CHODL: variants seen among roughly 807,000 people sequenced by gnomAD.
CHODL encodes the protein chondrolectin, also known as transmembrane protein MT75.
In CHODL, 29 loss-of-function variants were observed where a neutral mutation model predicts 34.5. That is an observed-to-expected ratio of 0.84 (90% confidence interval 0.63 to 1.15). CHODL has a LOEUF of 1.15. Among genes scored for constraint, CHODL ranks in the 50% most tolerant of loss-of-function variants. CHODL has a pLI of 0.00. For synonymous variants in CHODL, 125 were observed against 116.1 expected (o/e 1.08, Z -0.49); for missense variants, 332 against 332.5 (o/e 1.00, Z 0.01).
intron 2 of CHODL, among the ~76,000 whole-genome samples, chr21:18,074,461 A>AATGT (rs1357681398): frequency 6.6e-6 from 1 of 152,192 alleles, no homozygotes; most frequent in Non-Finnish European, 1.5e-5. Context: ...ACAAAGTAGT[A>AATGT]ATGTATATGA....
chr21:18,095,442 T>A (rs1210475955), intron 2 of CHODL, among the ~76,000 whole-genome samples: 1 of 152,082 alleles, frequency 6.6e-6, no homozygotes, highest in Admixed American at 6.6e-5. Context: ...CTATAACCTA[T>A]TAAGATTGAA....
intron 2 of CHODL, among the ~76,000 whole-genome samples, chr21:18,045,695 A>G (rs1271219010): frequency 6.6e-6 from 1 of 151,964 alleles, no homozygotes. Context: ...TGAATCCCCA[A>G]TGCATCAGTA....
chr21:18,104,039 A>G (rs1180526177), intron 2 of CHODL, among the ~76,000 whole-genome samples: 1 of 152,188 alleles, frequency 6.6e-6, no homozygotes, highest in Non-Finnish European at 1.5e-5. Flanking sequence ...GCCTCGCACA[A>G]AATATTTCTC....
At chr21:17,924,882 G>T (rs1310830235) in intron 1 of CHODL, among the ~76,000 whole-genome samples, 3 of 152,024 alleles carry the variant, frequency 2.0e-5, no homozygotes, top group African/African-American at 7.3e-5. Flanking sequence ...TCCTTATCTG[G>T]CTCTGTTAAA....
intron 1 of CHODL, among the ~76,000 whole-genome samples, chr21:17,988,444 A>G (rs187841187): frequency 6.9e-6 from 1 of 144,148 alleles, no homozygotes; most frequent in African/African-American, 2.6e-5. Context: ...CATGTGCACA[A>G]TGTGCAGGTT....
chr21:18,047,103 T>C (rs1375945686), intron 2 of CHODL, among the ~76,000 whole-genome samples: 1 of 152,022 alleles, frequency 6.6e-6, no homozygotes, highest in Non-Finnish European at 1.5e-5. Flanking sequence ...CAACTTTTTG[T>C]CCAAACTCTA....
chr21:18,172,681 A>G (rs914506459), intron 2 of CHODL, among the ~76,000 whole-genome samples: 4 of 152,234 alleles, frequency 2.6e-5, no homozygotes, highest in African/African-American at 7.2e-5. Flanking sequence ...TATCATTTTT[A>G]CAGAAGAGTG....
At chr21:18,198,924 T>C (rs368770754) in intron 2 of CHODL, among the ~76,000 whole-genome samples, 33 of 152,260 alleles carry the variant, frequency 2.2e-4, no homozygotes, top group East Asian at 1.9e-3. Context: ...ATATACAATA[T>C]TATAAAATTA....
chr21:18,244,128 T>G (rs2074107925), upstream of CHODL, among the ~76,000 whole-genome samples: 1 of 152,222 alleles, frequency 6.6e-6, no homozygotes. Context: ...GAGCTTTACT[T>G]CTAATGTATA....
chr21:17,991,616 G>T (rs181537798), intron 1 of CHODL, among the ~76,000 whole-genome samples: 124 of 148,714 alleles, frequency 8.3e-4, no homozygotes, highest in African/African-American at 2.2e-3. Flanking sequence ...TTTGGGAAAT[G>T]CCTATTCATG....
chr21:17,922,364 C>T (rs540151959), intron 1 of CHODL, among the ~76,000 whole-genome samples: 28 of 152,218 alleles, frequency 1.8e-4, no homozygotes, highest in African/African-American at 5.8e-4. Context: ...AGAGGTGGAG[C>T]GAGGCCCAGA....
At chr21:18,058,126 C>T (rs1026948220) in intron 2 of CHODL, among the ~76,000 whole-genome samples, 1 of 152,056 alleles carries the variant, frequency 6.6e-6, no homozygotes, top group African/African-American at 2.4e-5. Flanking sequence ...TTTTCCTCCC[C>T]TATCCACTAT....
Position 18,245,150 on chromosome 21 carries a change from C to A in CHODL, c.-74C>A, listed in dbSNP as rs2074122507. Reference sequence around the variant, plus strand: ...CAGGGAGGCAGGGAGGCTGCAGAGTCAGAGTCGCGGGCTGCGCCCTGGGCA... The same window carrying A: ...CAGGGAGGCAGGGAGGCTGCAGAGTAAGAGTCGCGGGCTGCGCCCTGGGCA... On this transcript the variant is annotated 5_prime_UTR_variant, in exon 1 of 6. Transcript: ENST00000299295. 6.3e-6 allele frequency: 8 copies of A among 1,279,688 alleles called. No individual in the cohort carries two copies. The highest frequency in any genetic ancestry group is 2.6e-5 in the Admixed American group (1 of 39,200). The allele number at this position is 1,279,688 out of a possible 1,614,324, so 79.3% of individuals were successfully genotyped here. A position where few individuals can be genotyped will look rare whatever the true frequency, so the allele number is the denominator to read the frequency against.
chr21:18,005,947 A>AT (rs553713910), intron 1 of CHODL, among the ~76,000 whole-genome samples: 209 of 152,258 alleles, frequency 1.4e-3, no homozygotes, highest in Non-Finnish European at 2.3e-3. Context: ...TCCACGTTTC[A>AT]TGGGGGGAAC....
chr21:18,183,344 C>T (rs1378047175), intron 2 of CHODL, among the ~76,000 whole-genome samples: 1 of 152,202 alleles, frequency 6.6e-6, no homozygotes, highest in African/African-American at 2.4e-5. Flanking sequence ...GGGATTCTAG[C>T]TGCCATTTGG....
At chr21:18,081,886 A>G (rs1188767777) in intron 2 of CHODL, among the ~76,000 whole-genome samples, 2 of 152,048 alleles carry the variant, frequency 1.3e-5, no homozygotes, top group African/African-American at 2.4e-5. Context: ...TTTATTTACT[A>G]CTTTTTCTGC....
chr21:17,967,437 G>A (rs197529), intron 1 of CHODL, among the ~76,000 whole-genome samples: 133,536 of 152,140 alleles, frequency 0.88, 58,789 homozygotes, highest in African/African-American at 0.93. Flanking sequence ...TTTGTGAGAA[G>A]TCTTAATTCT....
intron 1 of CHODL, among the ~76,000 whole-genome samples, chr21:17,988,220 C>CACATTGAGGAAGTCATAGATCTTGCTT (rs2063768627): frequency 6.6e-6 from 1 of 152,040 alleles, no homozygotes; most frequent in Admixed American, 6.6e-5. Flanking sequence ...AGAAATGACT[C>CACATTGAGGAAGTCATAGATCTTGCTT]ACATTGAGGA....
chr21:17,918,388 G>C (rs897308983), intron 1 of CHODL, among the ~76,000 whole-genome samples: 1 of 152,056 alleles, frequency 6.6e-6, no homozygotes, highest in Non-Finnish European at 1.5e-5. Flanking sequence ...TGGACTTACA[G>C]TTTCACATGG....
Sources: gnomAD v4.1 joint callset for allele counts (sites outside exome capture counted in the v4.1 genomes callset) on GRCh38, gnomAD v4.1.1 for gene constraint, MANE v1.5 for transcripts, NCBI Gene and HGNC (gene_info 2026-07-23, HGNC 2026-07-21) for gene names.